Variants in SNX29 observed in about 807,000 individuals in gnomAD.
The protein encoded by SNX29 is sorting nexin-29.
Under a neutral mutation model 102.1 loss-of-function variants are expected in SNX29, and 78 were observed. That is an observed-to-expected ratio of 0.76 (90% CI 0.64 to 0.92). The LOEUF (loss-of-function observed/expected upper bound fraction) is 0.92, where lower values mean the gene tolerates loss of function less well. Among genes scored for constraint, SNX29 ranks in the 40% least tolerant of loss-of-function variants. The pLI is 0.00. For missense variants in SNX29, 1,280 were observed against 1,061.7 expected, an observed-to-expected ratio of 1.21 and a Z score of -2.86; for synonymous variants, 580 against 414.5, an observed-to-expected ratio of 1.40 and a Z score of -4.85.
chr16:12,277,023 G>A (rs72786330), intron 14 of SNX29, among the ~76,000 whole-genome samples: 5,209 of 152,254 alleles, frequency 0.034, 157 homozygotes, highest in Non-Finnish European at 0.059. Flanking sequence ...GTGCTCCACA[G>A]CTGGCTGTCA....
At chr16:12,493,727 G>T (rs897945898) in intron 19 of SNX29, among the ~76,000 whole-genome samples, 1 of 152,178 alleles carries the variant, frequency 6.6e-6, no homozygotes, top group African/African-American at 2.4e-5. Flanking sequence ...AAGTAGCTGG[G>T]ACTATAGGCG....
At chr16:12,265,269 G>A (rs747409951) in intron 14 of SNX29, among the ~76,000 whole-genome samples, 10 of 152,106 alleles carry the variant, frequency 6.6e-5, no homozygotes, top group African/African-American at 1.2e-4. Context: ...TTTTCACTTG[G>A]GGGGGAGAAA....
intron 18 of SNX29, among the ~76,000 whole-genome samples, chr16:12,462,016 TACAC>T (rs375061825): frequency 0.12 from 7,508 of 63,604 alleles, 528 homozygotes; most frequent in East Asian, 0.25. Flanking sequence ...TATATATGTA[TACAC>T]ACACACACAC....
At position 12,287,737 on chromosome 16, in the gene SNX29, A is replaced by G. The variant is rs530614734; in HGVS notation, c.1782+9701A>G. Among the ~76,000 whole-genome samples the G allele has an allele frequency of 1.4e-3, 213 of 152,356 alleles. 1 individual carries two copies. Among genetic ancestry groups the G allele is most frequent in the African/African-American group, 4.6e-3 (190 of 41,582 alleles). On this transcript the variant is annotated intron_variant, in intron 15 of 20. Coordinates refer to ENST00000566228, the MANE Select transcript of SNX29 (RefSeq NM_032167.5). ...AAACAGGTGTTTGAATCAGGATCCC[A>G]GTAAGGTCCCCACCTCGTGATTGGT...
chr16:12,426,417 C>T (rs1239593173), intron 18 of SNX29, among the ~76,000 whole-genome samples: 1 of 152,218 alleles, frequency 6.6e-6, no homozygotes, highest in African/African-American at 2.4e-5. Context: ...CCTCAAAACA[C>T]ATGGTCAGGC....
intron 5 of SNX29, among the ~76,000 whole-genome samples, 186 bp from the exon 6 acceptor site, chr16:12,046,198 G>T (rs1212394432): frequency 3.9e-5 from 6 of 152,202 alleles, no homozygotes; most frequent in Non-Finnish European, 8.8e-5. Flanking sequence ...GAAGTTGTAG[G>T]ATGTAAGTGT....
chr16:12,431,295 C>CG (rs959826331), intron 18 of SNX29, among the ~76,000 whole-genome samples: 19 of 152,062 alleles, frequency 1.2e-4, no homozygotes, highest in African/African-American at 3.6e-4. Context: ...CTGTGAAGGT[C>CG]GAAACAGTGC....
At chr16:12,547,194 A>G (rs879454222) in intron 20 of SNX29, among the ~76,000 whole-genome samples, 8 of 152,230 alleles carry the variant, frequency 5.3e-5, no homozygotes, top group Non-Finnish European at 1.0e-4. Context: ...TGACAGGGAT[A>G]GTTTGACCCG....
At chr16:12,500,499 C>T (rs1266822012) in intron 19 of SNX29, among the ~76,000 whole-genome samples, 3 of 152,206 alleles carry the variant, frequency 2.0e-5, no homozygotes, top group South Asian at 2.1e-4. Context: ...AACCCCATGC[C>T]GTTATGTGGA....
chr16:12,533,125 C>T (rs2076976645), intron 20 of SNX29, among the ~76,000 whole-genome samples: 1 of 152,244 alleles, frequency 6.6e-6, no homozygotes. Context: ...GACAGCTCTG[C>T]TTAGAAACAC....
intron 19 of SNX29, among the ~76,000 whole-genome samples, chr16:12,479,189 G>A (rs1367966733): frequency 1.3e-5 from 2 of 152,222 alleles, no homozygotes; most frequent in African/African-American, 4.8e-5. Context: ...AGCCCTCTAG[G>A]TGATGCTGTT....
chr16:12,379,826 T>A (rs187005311), intron 16 of SNX29, among the ~76,000 whole-genome samples: 193 of 152,258 alleles, frequency 1.3e-3, no homozygotes, highest in African/African-American at 4.4e-3. Context: ...TCGATCCCGG[T>A]GAGTGGGGCC....
intron 3 of SNX29, 75 bp from the exon 4 acceptor site, chr16:12,027,245 C>T (rs2057219439): frequency 6.3e-7 from 1 of 1,587,220 alleles, no homozygotes; most frequent in Non-Finnish European, 8.6e-7. Context: ...TTACTCACTT[C>T]CTGGAGATGC....
At chr16:12,308,319 T>A (rs967797001) in intron 15 of SNX29, among the ~76,000 whole-genome samples, 1 of 152,236 alleles carries the variant, frequency 6.6e-6, no homozygotes, top group African/African-American at 2.4e-5. Context: ...TCATTCTGAT[T>A]GTCCAGTAAT....
intron 3 of SNX29, among the ~76,000 whole-genome samples, chr16:12,024,085 G>A (rs907002096): frequency 6.6e-6 from 1 of 151,886 alleles, no homozygotes; most frequent in Admixed American, 6.5e-5. Flanking sequence ...AGCTCAGAAT[G>A]AGGAAACATT....
intron 18 of SNX29, among the ~76,000 whole-genome samples, chr16:12,409,867 C>A (rs1008240984): frequency 1.3e-5 from 2 of 152,218 alleles, no homozygotes; most frequent in Non-Finnish European, 2.9e-5. Context: ...GGATAAATTT[C>A]AGCCTTTGCG....
At position 12,572,394 on chromosome 16, in the gene SNX29, C is replaced by T. The variant is rs752024839; in HGVS notation, c.*3765C>T. ...CTGGAGGCGGCTTATATCCCAACAG[C>T]CTGAGGCAGGGCTCTGTGGCCCAGG... On this transcript the variant is annotated 3_prime_UTR_variant, in exon 21 of 21. Coordinates refer to ENST00000566228, the MANE Select transcript of SNX29 (RefSeq NM_032167.5). 8.5e-6 allele frequency: 9 copies of T among 1,063,172 alleles called. No homozygotes were observed. The highest frequency in any genetic ancestry group is 5.0e-5 in the East Asian group (1 of 19,852). The allele number at this position is 1,063,172 out of a possible 1,614,324, so 65.9% of individuals were successfully genotyped here.
At chr16:12,033,840 C>T (rs1227644687) in intron 4 of SNX29, among the ~76,000 whole-genome samples, 1 of 151,888 alleles carries the variant, frequency 6.6e-6, no homozygotes, top group East Asian at 1.9e-4. Flanking sequence ...CTACTGACTT[C>T]AGGTGATCCG....
chr16:12,009,312 C>T (rs1284214947), intron 3 of SNX29, among the ~76,000 whole-genome samples: 1 of 151,716 alleles, frequency 6.6e-6, no homozygotes, highest in African/African-American at 2.4e-5. Flanking sequence ...GATTTGGGAG[C>T]CTAAATGGTG....
Sources: allele counts gnomAD v4.1 joint callset (sites outside exome capture counted in the v4.1 genomes callset), GRCh38; gene constraint gnomAD v4.1.1; transcripts MANE v1.5; gene names NCBI Gene and HGNC (gene_info 2026-07-23, HGNC 2026-07-21).